The following CYB5A variants were observed in gnomAD, a reference collection of about 807,000 sequenced individuals.
The protein encoded by CYB5A is cytochrome b5 type A.
A neutral mutation model predicts 16.2 loss-of-function variants in CYB5A; 10 were observed. The observed-to-expected ratio is 0.62, with a 90% confidence interval of 0.38 to 1.04. The LOEUF (loss-of-function observed/expected upper bound fraction) is 1.04. CYB5A is among the 50% of genes least tolerant of loss of function. The pLI, the probability that CYB5A is intolerant of heterozygous loss-of-function variation, is 0.01. For synonymous variants in CYB5A, 62 were observed against 57.0 expected (o/e 1.09, Z -0.40); for missense variants, 161 against 165.9 (o/e 0.97, Z 0.16).
chr18:74,277,553 G>A (rs1438993679), intron 1 of CYB5A, among the ~76,000 whole-genome samples: 2 of 152,206 alleles, frequency 1.3e-5, no homozygotes, highest in East Asian at 3.9e-4. Context: ...CCACCCTCAA[G>A]AAGTTAGAGT....
intron 1 of CYB5A, among the ~76,000 whole-genome samples, chr18:74,280,510 G>A (rs750115156): frequency 1.7e-4 from 26 of 151,766 alleles, no homozygotes; most frequent in Non-Finnish European, 3.5e-4. Context: ...TCCAGGTGGT[G>A]GAGGCTGCAG....
chr18:74,262,025 C>T (rs748509427), intron 2 of CYB5A, among the ~76,000 whole-genome samples: 4 of 152,170 alleles, frequency 2.6e-5, no homozygotes, highest in East Asian at 1.9e-4. Flanking sequence ...AAGCTCAGAG[C>T]GCTCGGCAAC....
intron 1 of CYB5A, among the ~76,000 whole-genome samples, chr18:74,272,102 GCCCT>G (rs1187814528): frequency 5.9e-5 from 9 of 152,162 alleles, no homozygotes; most frequent in African/African-American, 1.2e-4. Context: ...TCTTTGCTAA[GCCCT>G]ATCCTATGTA....
At chr18:74,265,304 C>T (rs1164315567) in intron 1 of CYB5A, among the ~76,000 whole-genome samples, 1 of 152,118 alleles carries the variant, frequency 6.6e-6, no homozygotes, top group Non-Finnish European at 1.5e-5. Flanking sequence ...ATCTTGCCTC[C>T]AGAGAGCCAG....
intron 2 of CYB5A, among the ~76,000 whole-genome samples, chr18:74,262,465 A>AAAC (rs1201805728): frequency 6.6e-6 from 1 of 151,166 alleles, no homozygotes; most frequent in Non-Finnish European, 1.5e-5. Context: ...CAAAAAAAAA[A>AAAC]AAAAAGAAAA....
At chr18:74,278,144 C>T (rs1568222319) in intron 1 of CYB5A, among the ~76,000 whole-genome samples, 1 of 152,188 alleles carries the variant, frequency 6.6e-6, no homozygotes, top group Non-Finnish European at 1.5e-5. Context: ...ACTATCCCCA[C>T]TTTACAGACA....
rs111763877 is a variant in CYB5A at position 74,267,217 on chromosome 18, C to T, written c.130-3740G>A. ...TGTCACCCAGGCTGGAGTGCAGTGA[C>T]GCAATTTCAGCTCACTGCAACCTCC... is the stretch of plus-strand genomic sequence containing the variant. On this transcript the variant is annotated intron_variant, in intron 1 of 4. Transcript: ENST00000340533. Among the ~76,000 whole-genome samples, 983 of 151,826 alleles carry T rather than the reference C, an allele frequency of 6.5e-3. 10 individuals are homozygous for T. Among genetic ancestry groups the T allele is most frequent in the African/African-American group, 0.023 (933 of 41,378 alleles).
chr18:74,276,434 G>A (rs1006108236), intron 1 of CYB5A, among the ~76,000 whole-genome samples: 10 of 151,828 alleles, frequency 6.6e-5, no homozygotes, highest in Admixed American at 1.3e-4. Context: ...TTTCCCTTTT[G>A]AGAATTTGGG....
At chr18:74,275,109 G>C (rs879900881) in intron 1 of CYB5A, among the ~76,000 whole-genome samples, 2 of 152,342 alleles carry the variant, frequency 1.3e-5, no homozygotes, top group East Asian at 1.9e-4. Flanking sequence ...TTCTCGAAGA[G>C]AGCGTCAACA....
At chr18:74,266,064 T>G (rs1302238828) in intron 1 of CYB5A, among the ~76,000 whole-genome samples, 1 of 152,214 alleles carries the variant, frequency 6.6e-6, no homozygotes, top group Non-Finnish European at 1.5e-5. Context: ...TGTCTTCTAC[T>G]GGGGCCATTT....
intron 1 of CYB5A, among the ~76,000 whole-genome samples, chr18:74,280,563 G>A (rs1353362476): frequency 6.9e-6 from 1 of 144,992 alleles, no homozygotes; most frequent in African/African-American, 2.6e-5. Flanking sequence ...GAGTGACAGA[G>A]TAAGACCCTG....
At position 74,253,238 on chromosome 18, in the gene CYB5A, A is replaced by G. The variant is rs1568212260; in HGVS notation, c.*346T>C. 6 of 326,326 alleles carry G rather than the reference A, an allele frequency of 1.8e-5. No homozygotes were observed. In the East Asian group the frequency reaches 2.5e-4, roughly 14 times the overall value. 20.2% of individuals were successfully genotyped at this position (326,326 alleles called of 1,614,324 possible). A position where few individuals can be genotyped will look rare whatever the true frequency, so the allele number is the denominator to read the frequency against. The stretch of plus-strand genomic sequence containing the variant: ...AGTAACACATTGAAGGAATCCTCTA[A>G]ATAACCAGATTCTAAACATTAAAGA... On this transcript the variant is annotated 3_prime_UTR_variant, in exon 5 of 5. Transcript: ENST00000340533.
intron 3 of CYB5A, chr18:74,257,894 G>A (rs182710802): frequency 6.6e-6 from 1 of 152,266 alleles, no homozygotes; most frequent in Admixed American, 6.5e-5. Flanking sequence ...TTGCAGCCTG[G>A]GCAACAGAGT....
At position 74,251,411 on chromosome 18, in the gene CYB5A, G is replaced by A. The variant is rs1172887877; in HGVS notation, c.*2173C>T. On this transcript the variant is annotated 3_prime_UTR_variant, in exon 5 of 5. Transcript: ENST00000340533. ...GACTCAAAGCAGGAGGGAGCTTCCAGGTCACAGAGAGGTGAGACACAAAGG... is the reference window on the plus strand; with the variant it reads ...GACTCAAAGCAGGAGGGAGCTTCCAAGTCACAGAGAGGTGAGACACAAAGG... The A allele has an allele frequency of 6.6e-6, 1 of 152,326 alleles. No homozygotes were observed. Among genetic ancestry groups the A allele is most frequent in the African/African-American group, 2.4e-5 (1 of 41,436 alleles). 9.4% of individuals were successfully genotyped at this position (152,326 alleles called of 1,614,324 possible). A position where few individuals can be genotyped will look rare whatever the true frequency, so the allele number is the denominator to read the frequency against.
chr18:74,285,378 T>C (rs1209098981), intron 1 of CYB5A, among the ~76,000 whole-genome samples: 1 of 152,222 alleles, frequency 6.6e-6, no homozygotes, highest in African/African-American at 2.4e-5. Flanking sequence ...ATAGACAAGG[T>C]ATTACTTGCC....
intron 3 of CYB5A, chr18:74,256,871 A>T: frequency 6.2e-7 from 1 of 1,612,810 alleles, no homozygotes; most frequent in Non-Finnish European, 8.5e-7. Flanking sequence ...AGTAGGGGAA[A>T]AAAGGTAAGT....
chr18:74,275,665 G>A (rs3794948), intron 1 of CYB5A, among the ~76,000 whole-genome samples: 13,089 of 152,152 alleles, frequency 0.086, 762 homozygotes, highest in Non-Finnish European at 0.13. Context: ...TCCGAGCCTC[G>A]AGAAGCTTCC....
At chr18:74,279,757 G>A (rs930081315) in intron 1 of CYB5A, among the ~76,000 whole-genome samples, 1 of 151,954 alleles carries the variant, frequency 6.6e-6, no homozygotes, top group African/African-American at 2.4e-5. Flanking sequence ...AATAAAATAA[G>A]GTATCAGAAA....
At chr18:74,283,046 C>T (rs1983178860) in intron 1 of CYB5A, among the ~76,000 whole-genome samples, 1 of 152,178 alleles carries the variant, frequency 6.6e-6, no homozygotes, top group Admixed American at 6.5e-5. Context: ...TGAGAACTGA[C>T]TGCCCAGTGG....
Sources: gnomAD v4.1 joint callset for allele counts (sites outside exome capture counted in the v4.1 genomes callset) on GRCh38, gnomAD v4.1.1 for gene constraint, MANE v1.5 for transcripts, NCBI Gene and HGNC (gene_info 2026-07-23, HGNC 2026-07-21) for gene names.